Variants in TRHDE observed in about 807,000 individuals in gnomAD.
The protein encoded by TRHDE is thyrotropin-releasing hormone-degrading ectoenzyme.
A neutral mutation model predicts 125.7 loss-of-function variants in TRHDE; 72 were observed. The observed-to-expected ratio is 0.57, with a 90% confidence interval of 0.47 to 0.70. The LOEUF (loss-of-function observed/expected upper bound fraction) is 0.70. Among genes scored for constraint, TRHDE ranks in the 30% least tolerant of loss-of-function variants. The probability of loss-of-function intolerance (pLI) is 0.00; values close to 1 mark genes in which losing one functional copy is unlikely to be tolerated. For missense variants in TRHDE, 1,110 were observed against 1,327.1 expected, an observed-to-expected ratio of 0.84 and a Z score of 2.54; for synonymous variants, 509 against 509.1, an observed-to-expected ratio of 1.00 and a Z score of 0.00.
At chr12:72,226,629 C>T (rs1219329594) in intron 2 of TRHDE, among the ~76,000 whole-genome samples, 1 of 152,024 alleles carries the variant, frequency 6.6e-6, no homozygotes, top group East Asian at 1.9e-4. Flanking sequence ...ATTCCAGAGA[C>T]CAAATAGTAG....
intron 12 of TRHDE, among the ~76,000 whole-genome samples, chr12:72,580,035 C>T (rs1962706): frequency 0.23 from 35,700 of 151,932 alleles, 5,829 homozygotes; most frequent in East Asian, 0.54. Context: ...TACATATTTC[C>T]ATTCAATATA....
In TRHDE at chr12:72,590,747, T is replaced by A. The variant is rs528574667; in HGVS notation, c.2321+15205T>A. Reference sequence around the variant, plus strand: ...ATGCATGTTTATACAGCTTATAATTTAAAAAATTTTTATTCTCACAATCTC... The same window carrying A: ...ATGCATGTTTATACAGCTTATAATTAAAAAAATTTTTATTCTCACAATCTC... On this transcript the variant is annotated intron_variant, in intron 12 of 18. Coordinates refer to ENST00000261180, the MANE Select transcript of TRHDE (RefSeq NM_013381.3). 1.1e-4 allele frequency among the ~76,000 whole-genome samples: 16 copies of A among 152,276 alleles called. No homozygotes were observed. The South Asian group carries it at 2.9e-3, about 28-fold the overall frequency.
intron 2 of TRHDE, among the ~76,000 whole-genome samples, chr12:72,331,207 C>G (rs974757892): frequency 6.6e-6 from 1 of 152,140 alleles, no homozygotes; most frequent in African/African-American, 2.4e-5. Flanking sequence ...TACCCAAAGA[C>G]ATAGATAGAA....
chr12:72,380,861 TTC>T lies in TRHDE; in HGVS notation c.1315+2754_1315+2755del, dbSNP rs557365651. Among the ~76,000 whole-genome samples, 21 of 142,062 alleles carry T rather than the reference TTC, an allele frequency of 1.5e-4. 1 individual carries two copies. In the South Asian group the frequency reaches 3.7e-3, roughly 25 times the overall value. The allele number at this position is 142,062 out of a possible 152,430, so 93.2% of individuals were successfully genotyped here. Reference sequence around the variant, plus strand: ...TCCCTCCCTCCTTCTCTCTCTCTCTTTCTCTCTCTCTCTCTTCTTTCTTTCTT... The same window carrying T: ...TCCCTCCCTCCTTCTCTCTCTCTCTTTCTCTCTCTCTCTTCTTTCTTTCTT... On this transcript the variant is annotated intron_variant, in intron 3 of 18. Transcript: ENST00000261180.
Position 72,621,771 on chromosome 12 carries a change from G to T in TRHDE, c.2675+20G>T. On this transcript the variant is annotated intron_variant, in intron 15 of 18. Transcript: ENST00000261180. Reference sequence around the variant, plus strand: ...GAACAGGTAAACTGAGCCAAATCCTGTATTTCTGATATTATTTAATAGTGC... The same window carrying T: ...GAACAGGTAAACTGAGCCAAATCCTTTATTTCTGATATTATTTAATAGTGC... 2 of 1,537,826 alleles carry T rather than the reference G, an allele frequency of 1.3e-6. No individual in the cohort carries two copies. Among genetic ancestry groups the T allele is most frequent in the Non-Finnish European group, 8.9e-7 (1 of 1,122,058 alleles).
chr12:72,483,640 T>C (rs1413230837), intron 5 of TRHDE, among the ~76,000 whole-genome samples: 1 of 151,968 alleles, frequency 6.6e-6, no homozygotes, highest in Non-Finnish European at 1.5e-5. Context: ...AATAGTTTAC[T>C]TTGAAATGCA....
chr12:72,637,531 C>A (rs1048490537), intron 15 of TRHDE, among the ~76,000 whole-genome samples: 3 of 151,834 alleles, frequency 2.0e-5, no homozygotes, highest in Non-Finnish European at 4.4e-5. Context: ...TTAGTTATTT[C>A]TTGCCTTCTG....
intron 2 of TRHDE, among the ~76,000 whole-genome samples, chr12:72,202,351 T>C (rs2139355684): frequency 6.6e-6 from 1 of 152,316 alleles, no homozygotes. Flanking sequence ...TACAGAGTTG[T>C]TGAGAAGTTT....
intron 15 of TRHDE, among the ~76,000 whole-genome samples, chr12:72,635,559 A>G (rs1375381360): frequency 6.6e-6 from 1 of 152,056 alleles, no homozygotes; most frequent in Non-Finnish European, 1.5e-5. Flanking sequence ...TTGGTGTTTT[A>G]GACATGAAGT....
At chr12:72,590,054 A>G (rs1353317364) in intron 12 of TRHDE, among the ~76,000 whole-genome samples, 3 of 152,052 alleles carry the variant, frequency 2.0e-5, no homozygotes, top group African/African-American at 4.8e-5. Flanking sequence ...TTTTATTAGC[A>G]TCCCATAAAA....
At chr12:72,626,837 G>T (rs10879471) in intron 15 of TRHDE, among the ~76,000 whole-genome samples, 2 of 151,720 alleles carry the variant, frequency 1.3e-5, no homozygotes, top group Non-Finnish European at 2.9e-5. Context: ...TGTATATCTC[G>T]TCCAGAAACC....
At chr12:72,266,166 A>G (rs1879063788) in intron 2 of TRHDE, among the ~76,000 whole-genome samples, 2 of 152,044 alleles carry the variant, frequency 1.3e-5, no homozygotes, top group Non-Finnish European at 2.9e-5. Flanking sequence ...AAGACAGAAA[A>G]ACATATATGG....
Position 72,615,953 on chromosome 12 carries a change from C to A in TRHDE, c.2322-2938C>A, listed in dbSNP as rs142670085. Among the ~76,000 whole-genome samples, 636 of 152,144 alleles carry A rather than the reference C, an allele frequency of 4.2e-3. 5 individuals are homozygous for A. Among genetic ancestry groups the A allele is most frequent in the African/African-American group, 0.015 (611 of 41,532 alleles). ...GCTAATGGGAGATGTCTAAGGATAACCCAGGCAGAGAGGCACATTCATATT... is the reference window on the plus strand; with the variant it reads ...GCTAATGGGAGATGTCTAAGGATAAACCAGGCAGAGAGGCACATTCATATT... On this transcript the variant is annotated intron_variant, in intron 12 of 18. Transcript: ENST00000261180.
chr12:72,457,399 TC>T (rs1319193360), intron 3 of TRHDE, among the ~76,000 whole-genome samples: 2 of 152,168 alleles, frequency 1.3e-5, no homozygotes, highest in East Asian at 3.9e-4. Flanking sequence ...TCTCAGTTGT[TC>T]CTAGGAATCT....
intron 15 of TRHDE, among the ~76,000 whole-genome samples, chr12:72,626,389 A>G (rs778940689): frequency 1.3e-5 from 2 of 151,894 alleles, no homozygotes; most frequent in African/African-American, 2.4e-5. Flanking sequence ...TGTTTTCACT[A>G]TCTTTGGGTA....
chr12:72,286,584 G>A, intron 1 of TRHDE, 97 bp from the exon 2 acceptor site: 1 of 1,198,752 alleles, frequency 8.3e-7, no homozygotes, highest in South Asian at 1.5e-5. Flanking sequence ...ATTGCAATTT[G>A]GAATAATATA....
chr12:72,342,925 A>G (rs894356081), intron 2 of TRHDE, among the ~76,000 whole-genome samples: 6 of 152,172 alleles, frequency 3.9e-5, no homozygotes, highest in Non-Finnish European at 8.8e-5. Flanking sequence ...TGTGGCAGGC[A>G]CTGTTGTGCG....
intron 2 of TRHDE, among the ~76,000 whole-genome samples, chr12:72,355,820 T>G (rs1870790872): frequency 6.6e-6 from 1 of 151,848 alleles, no homozygotes; most frequent in Non-Finnish European, 1.5e-5. Context: ...TCATTGATCA[T>G]TAGAGAAATG....
chr12:72,536,090 C>A (rs1355280054), intron 6 of TRHDE, among the ~76,000 whole-genome samples: 1 of 152,010 alleles, frequency 6.6e-6, no homozygotes, highest in Non-Finnish European at 1.5e-5. Flanking sequence ...GGAGAGCAAA[C>A]CATTAAGCTA....
Sources: allele counts gnomAD v4.1 joint callset (sites outside exome capture counted in the v4.1 genomes callset), GRCh38; gene constraint gnomAD v4.1.1; transcripts MANE v1.5; gene names NCBI Gene and HGNC (gene_info 2026-07-23, HGNC 2026-07-21).